Variants in OSBPL10 observed in about 807,000 individuals in gnomAD.
OSBPL10 encodes oxysterol binding protein like 10, also known as oxysterol-binding protein-related protein 10.
In OSBPL10, 49 loss-of-function variants were observed where a neutral mutation model predicts 81.7. The observed-to-expected ratio is 0.60, with a 90% CI of 0.48 to 0.76. The LOEUF is 0.76. Ranked by LOEUF, OSBPL10 falls within the 30% of genes least tolerant of loss-of-function variation. OSBPL10 has a pLI of 0.00. For missense variants in OSBPL10, 923 were observed against 987.8 expected, an observed-to-expected ratio of 0.93 and a Z score of 0.88; for synonymous variants, 419 against 383.6, an observed-to-expected ratio of 1.09 and a Z score of -1.08.
At position 31,839,734 on chromosome 3, in the gene OSBPL10, G is replaced by C. The variant is rs1232337691; in HGVS notation, c.538-9503C>G. On this transcript the variant is annotated intron_variant, in intron 3 of 11. Transcript: ENST00000396556. ...CAAGATGGACAGTGTGGCAGAGGTG[G>C]AAGTGAGCAAAGCATAGAGCAATAT... Among the ~76,000 whole-genome samples the C allele has an allele frequency of 2.6e-5, 4 of 151,696 alleles. No individual in the cohort carries two copies. The East Asian group carries it at 7.9e-4, about 30-fold the overall frequency.
At chr3:31,949,440 G>A (rs564065010) in intron 1 of OSBPL10, among the ~76,000 whole-genome samples, 4 of 151,932 alleles carry the variant, frequency 2.6e-5, no homozygotes, top group East Asian at 1.9e-4. Flanking sequence ...AGGCTGAGGC[G>A]GGCAGATCAC....
chr3:32,054,562 C>T (rs1345712305), intron 1 of OSBPL10, among the ~76,000 whole-genome samples: 1 of 109,980 alleles, frequency 9.1e-6, no homozygotes. Context: ...GACGGAGTCT[C>T]ACTCTGTCAC....
chr3:31,833,072 C>G (rs907901332), intron 3 of OSBPL10, among the ~76,000 whole-genome samples: 1 of 152,130 alleles, frequency 6.6e-6, no homozygotes, highest in African/African-American at 2.4e-5. Context: ...TAATAATCAC[C>G]TACTTTCAGC....
At chr3:31,685,099 A>C (rs1386205408) in intron 7 of OSBPL10, among the ~76,000 whole-genome samples, 1 of 152,206 alleles carries the variant, frequency 6.6e-6, no homozygotes, top group East Asian at 1.9e-4. Flanking sequence ...GTACTCTGAA[A>C]CTGGGAAGCC....
intron 3 of OSBPL10, among the ~76,000 whole-genome samples, chr3:31,857,605 T>C (rs1237630612): frequency 6.6e-6 from 1 of 150,578 alleles, no homozygotes; most frequent in East Asian, 2.0e-4. Context: ...ACCACTTGAG[T>C]AACTACATTT....
At chr3:31,953,484 T>TGCAGCC (rs1347560277) in intron 1 of OSBPL10, among the ~76,000 whole-genome samples, 1 of 152,038 alleles carries the variant, frequency 6.6e-6, no homozygotes, top group African/African-American at 2.4e-5. Flanking sequence ...CACAGCTCAC[T>TGCAGCC]GCAGCCTCAG....
chr3:31,957,741 A>G (rs1212708770), intron 1 of OSBPL10, among the ~76,000 whole-genome samples: 1 of 152,150 alleles, frequency 6.6e-6, no homozygotes, highest in East Asian at 1.9e-4. Flanking sequence ...CCGGGGTTCA[A>G]GCAATTCTCC....
intron 4 of OSBPL10, chr3:31,794,962 G>T (rs1699148451): frequency 9.2e-6 from 3 of 325,158 alleles, no homozygotes; most frequent in Non-Finnish European, 1.9e-5. Context: ...TAAAGTCCAT[G>T]TGTCACAGGA....
rs993472180 is a variant in OSBPL10 at position 31,663,393 on chromosome 3, A to G, written c.2250+686T>C. On this transcript the variant is annotated intron_variant, in intron 11 of 11. Coordinates refer to ENST00000396556, the MANE Select transcript of OSBPL10 (RefSeq NM_017784.5). ...TGCTGGGTTCCTGTGGGCCTGCTTT[A>G]AGACGTGTGGCTCCTACATTTTCAT... The G allele has an allele frequency of 1.3e-5, 13 of 986,404 alleles. No individual in the cohort carries two copies. In the African/African-American group the frequency reaches 2.3e-4, roughly 17 times the overall value. The allele number at this position is 986,404 out of a possible 1,614,324, so 61.1% of individuals were successfully genotyped here. A position where few individuals can be genotyped will look rare whatever the true frequency, so the allele number is the denominator to read the frequency against.
At chr3:31,826,397 C>T (rs1018847447) in intron 4 of OSBPL10, among the ~76,000 whole-genome samples, 69 of 152,294 alleles carry the variant, frequency 4.5e-4, no homozygotes, top group Non-Finnish European at 7.1e-4. Context: ...CTCTCCTAAC[C>T]ACTTCCTGAG....
intron 4 of OSBPL10, among the ~76,000 whole-genome samples, chr3:31,794,037 A>C (rs1266116793): frequency 2.0e-5 from 3 of 152,230 alleles, no homozygotes; most frequent in African/African-American, 7.2e-5. Flanking sequence ...GGGTTGGCAC[A>C]GTGGTGGCTG....
intron 5 of OSBPL10, among the ~76,000 whole-genome samples, chr3:31,747,275 G>A (rs1240445872): frequency 1.3e-5 from 2 of 151,440 alleles, no homozygotes; most frequent in Non-Finnish European, 2.9e-5. Flanking sequence ...CCGAGATTGT[G>A]CCACTGCACT....
intron 3 of OSBPL10, among the ~76,000 whole-genome samples, chr3:31,858,101 A>G (rs1180970352): frequency 6.6e-6 from 1 of 151,206 alleles, no homozygotes; most frequent in Non-Finnish European, 1.5e-5. Flanking sequence ...GGCTTAAGCA[A>G]TCCTGCCATC....
chr3:31,733,685 G>GTTTTTTTT (rs372305256), intron 5 of OSBPL10, among the ~76,000 whole-genome samples: 2 of 91,780 alleles, frequency 2.2e-5, no homozygotes, highest in Non-Finnish European at 4.2e-5. Context: ...AGATAAAGGT[G>GTTTTTTTT]TTTTTTTTTT....
At chr3:31,734,568 T>C (rs559542597) in intron 5 of OSBPL10, among the ~76,000 whole-genome samples, 1 of 151,958 alleles carries the variant, frequency 6.6e-6, no homozygotes, top group African/African-American at 2.4e-5. Flanking sequence ...CGAAACCCTA[T>C]CCCTACAAAA....
At chr3:31,692,757 G>A (rs1695593288) in intron 7 of OSBPL10, among the ~76,000 whole-genome samples, 1 of 152,180 alleles carries the variant, frequency 6.6e-6, no homozygotes, top group Non-Finnish European at 1.5e-5. Context: ...TTTTACAGAT[G>A]AGGAAACTGC....
At chr3:31,712,088 A>G (rs1429666652) in intron 6 of OSBPL10, among the ~76,000 whole-genome samples, 2 of 152,144 alleles carry the variant, frequency 1.3e-5, no homozygotes, top group African/African-American at 2.4e-5. Flanking sequence ...GGATGAAGAG[A>G]ACCTTACTGC....
intron 3 of OSBPL10, among the ~76,000 whole-genome samples, chr3:31,860,557 T>C (rs1008512114): frequency 3.3e-5 from 5 of 152,204 alleles, no homozygotes; most frequent in African/African-American, 1.2e-4. Flanking sequence ...TTCTCCACCG[T>C]TGCCACCACA....
At chr3:31,904,274 C>G (rs1696339812) in intron 1 of OSBPL10, among the ~76,000 whole-genome samples, 1 of 152,162 alleles carries the variant, frequency 6.6e-6, no homozygotes, top group African/African-American at 2.4e-5. Flanking sequence ...GAGCCCTCAG[C>G]AGAGGCATCA....
Sources: allele counts gnomAD v4.1 joint callset (sites outside exome capture counted in the v4.1 genomes callset), GRCh38; gene constraint gnomAD v4.1.1; transcripts MANE v1.5; gene names NCBI Gene and HGNC (gene_info 2026-07-23, HGNC 2026-07-21).